Variants in DSCAM observed in about 807,000 individuals in gnomAD.
The protein encoded by DSCAM is DS cell adhesion molecule, also known as cell adhesion molecule DSCAM.
DSCAM carries 47 observed loss-of-function variants against 217.7 expected under a neutral mutation model. The ratio of observed to expected loss-of-function variants is 0.22; its 90% CI spans 0.17 to 0.28. The LOEUF (loss-of-function observed/expected upper bound fraction) is 0.28, where lower values mean the gene tolerates loss of function less well. DSCAM is among the 10% of genes least tolerant of loss of function. The probability of loss-of-function intolerance (pLI) is 1.00; values close to 1 mark genes in which losing one functional copy is unlikely to be tolerated. For missense variants in DSCAM, 2,080 were observed against 2,618.3 expected, an observed-to-expected ratio of 0.79 and a Z score of 4.49; for synonymous variants, 1,056 against 1,015.3, an observed-to-expected ratio of 1.04 and a Z score of -0.76.
At chr21:40,416,899 A>C (rs888802320) in intron 3 of DSCAM, among the ~76,000 whole-genome samples, 2 of 152,162 alleles carry the variant, frequency 1.3e-5, no homozygotes, top group African/African-American at 2.4e-5. Context: ...CATGCCCCCC[A>C]AAAATGCTTT....
At chr21:40,762,294 C>G (rs2091344052) in intron 1 of DSCAM, among the ~76,000 whole-genome samples, 1 of 152,030 alleles carries the variant, frequency 6.6e-6, no homozygotes, top group Non-Finnish European at 1.5e-5. Flanking sequence ...CCACTGATCC[C>G]ACAGAAATAC....
At chr21:40,737,733 T>C (rs1294908925) in intron 1 of DSCAM, among the ~76,000 whole-genome samples, 1 of 152,032 alleles carries the variant, frequency 6.6e-6, no homozygotes, top group Admixed American at 6.6e-5. Flanking sequence ...AGGAACACAA[T>C]CTCCGCAGGC....
At chr21:40,787,168 T>G (rs1446536607) in intron 1 of DSCAM, among the ~76,000 whole-genome samples, 1 of 152,224 alleles carries the variant, frequency 6.6e-6, no homozygotes, top group Admixed American at 6.5e-5. Context: ...AGGTCCCTAC[T>G]CAGGGGCAGA....
chr21:40,759,995 A>C (rs1175437023), intron 1 of DSCAM, among the ~76,000 whole-genome samples: 1 of 139,888 alleles, frequency 7.1e-6, no homozygotes, highest in African/African-American at 3.0e-5. Context: ...TTATTTATTT[A>C]TTTATTTATT....
chr21:40,449,002 AATTATT>A (rs982709393), intron 3 of DSCAM, among the ~76,000 whole-genome samples: 2 of 152,106 alleles, frequency 1.3e-5, no homozygotes, highest in Non-Finnish European at 2.9e-5. Flanking sequence ...CTGAAGAGAA[AATTATT>A]ATTATTATTC....
At chr21:40,625,671 CTTTT>C (rs911980418) in intron 3 of DSCAM, among the ~76,000 whole-genome samples, 10 of 152,298 alleles carry the variant, frequency 6.6e-5, no homozygotes, top group Middle Eastern at 3.4e-3. Context: ...TACGTCTGTT[CTTTT>C]ATCTTTCTTG....
At chr21:40,381,079 AAAAAAG>A (rs2075019272) in intron 3 of DSCAM, among the ~76,000 whole-genome samples, 1 of 149,896 alleles carries the variant, frequency 6.7e-6, no homozygotes, top group Admixed American at 6.7e-5. Flanking sequence ...AAAAAAAAAA[AAAAAAG>A]AAAATAGAAC....
At chr21:40,267,140 A>G (rs955185309) in intron 11 of DSCAM, among the ~76,000 whole-genome samples, 4 of 152,048 alleles carry the variant, frequency 2.6e-5, no homozygotes, top group Non-Finnish European at 4.4e-5. Context: ...CAATTCATCT[A>G]TGTCATCAAA....
intron 3 of DSCAM, among the ~76,000 whole-genome samples, chr21:40,398,637 C>CTTTTTTTTTTTTT (rs538905441): frequency 1.5e-5 from 2 of 132,108 alleles, no homozygotes; most frequent in African/African-American, 2.8e-5. Flanking sequence ...TTTTTTCTTT[C>CTTTTTTTTTTTTT]TTTTTTTTTT....
chr21:40,743,374 CAT>C (rs1473642189), intron 1 of DSCAM, among the ~76,000 whole-genome samples: 1 of 152,202 alleles, frequency 6.6e-6, no homozygotes, highest in Non-Finnish European at 1.5e-5. Flanking sequence ...TCTGAGTTGT[CAT>C]TTCTCACAAT....
At chr21:40,194,643 T>C (rs919833700) in intron 11 of DSCAM, among the ~76,000 whole-genome samples, 3 of 152,238 alleles carry the variant, frequency 2.0e-5, no homozygotes, top group African/African-American at 7.2e-5. Flanking sequence ...TCATAAACTA[T>C]AATATTATCT....
At chr21:40,773,365 C>T (rs890654105) in intron 1 of DSCAM, among the ~76,000 whole-genome samples, 1 of 152,190 alleles carries the variant, frequency 6.6e-6, no homozygotes, top group Non-Finnish European at 1.5e-5. Flanking sequence ...GGCTTGTAGA[C>T]ACACAACTCC....
intron 5 of DSCAM, among the ~76,000 whole-genome samples, chr21:40,350,041 TCTC>T (rs1234778384): frequency 1.3e-5 from 2 of 151,924 alleles, no homozygotes; most frequent in African/African-American, 4.8e-5. Flanking sequence ...CTGGTAATCT[TCTC>T]CTATTATTAT....
At chr21:40,714,608 G>A (rs1465248885) in intron 1 of DSCAM, among the ~76,000 whole-genome samples, 2 of 152,100 alleles carry the variant, frequency 1.3e-5, no homozygotes, top group African/African-American at 4.8e-5. Flanking sequence ...TCTCACCATC[G>A]AATTTTGGAA....
intron 8 of DSCAM, among the ~76,000 whole-genome samples, chr21:40,321,658 T>C (rs2074261020): frequency 6.6e-6 from 1 of 151,712 alleles, no homozygotes; most frequent in Non-Finnish European, 1.5e-5. Context: ...TGATATACCT[T>C]ACCCACCTCA....
intron 5 of DSCAM, among the ~76,000 whole-genome samples, chr21:40,351,094 CA>C (rs1405326493): frequency 4.6e-5 from 7 of 151,716 alleles, no homozygotes; most frequent in Admixed American, 4.6e-4. Context: ...GGTCTTTTGA[CA>C]AATTAGGGTG....
chr21:40,475,817 T>C (rs952373615), intron 3 of DSCAM, among the ~76,000 whole-genome samples: 2 of 151,702 alleles, frequency 1.3e-5, no homozygotes, highest in African/African-American at 4.9e-5. Context: ...GGCAACAGAG[T>C]AAGACTCTGT....
chr21:40,041,358 T>A (rs1271185954), intron 32 of DSCAM, among the ~76,000 whole-genome samples: 1 of 152,176 alleles, frequency 6.6e-6, no homozygotes. Context: ...CTGCCATAGG[T>A]TGGATTCCAC....
intron 3 of DSCAM, among the ~76,000 whole-genome samples, chr21:40,464,106 T>C (rs988488920): frequency 6.6e-6 from 1 of 152,180 alleles, no homozygotes; most frequent in African/African-American, 2.4e-5. Flanking sequence ...CATCCACATA[T>C]GAATTTCTCC....
Sources: gnomAD v4.1 joint callset for allele counts (sites outside exome capture counted in the v4.1 genomes callset) on GRCh38, gnomAD v4.1.1 for gene constraint, MANE v1.5 for transcripts, NCBI Gene and HGNC (gene_info 2026-07-23, HGNC 2026-07-21) for gene names.